SPATC1: variants seen among roughly 807,000 people sequenced by gnomAD.
SPATC1 encodes the protein spermatogenesis and centriole associated 1.
Under a neutral mutation model 36.5 loss-of-function variants are expected in SPATC1, and 35 were observed. The ratio of observed to expected loss-of-function variants is 0.96; its 90% CI spans 0.73 to 1.27. SPATC1 has a LOEUF of 1.27. Ranked by LOEUF, SPATC1 falls within the 50% of genes most tolerant of loss-of-function variation. The pLI is 0.00. For missense variants in SPATC1, 779 were observed against 796.0 expected, an observed-to-expected ratio of 0.98 and a Z score of 0.26; for synonymous variants, 361 against 353.6, an observed-to-expected ratio of 1.02 and a Z score of -0.24.
chr8:144,043,468 G>C (rs191742573), intron 4 of SPATC1, among the ~76,000 whole-genome samples: 67 of 152,176 alleles, frequency 4.4e-4, no homozygotes, highest in Middle Eastern at 6.8e-3. Context: ...TTTTAGGAGA[G>C]ACGGGGTTTC....
Position 144,016,619 on chromosome 8 carries a change from GTTTGTTTT to G in SPATC1, c.211+3901_211+3908del, listed in dbSNP as rs1214315851. 9.9e-5 allele frequency among the ~76,000 whole-genome samples: 15 copies of G among 151,812 alleles called. No homozygotes were observed. Among genetic ancestry groups the G allele is most frequent in the African/African-American group, 3.1e-4 (13 of 41,310 alleles). On this transcript the variant is annotated intron_variant, in intron 1 of 4. Transcript: ENST00000377470. The surrounding 1 kb of genome is among the most constrained non-coding windows in gnomAD (Gnocchi z 4.5). ...ACTGATGGTTTTTGTTTGTTTGTTT[GTTTGTTTT>G]TTTGTTTGTTTGTTTTTGAGACAGA...
At chr8:144,017,535 C>G (rs899310273) in intron 1 of SPATC1, among the ~76,000 whole-genome samples, 1 of 152,104 alleles carries the variant, frequency 6.6e-6, no homozygotes, top group African/African-American at 2.4e-5. Context: ...GCATGTGTAC[C>G]AGGCTCCTCT....
At chr8:144,022,975 CT>C (rs1834570943) in intron 1 of SPATC1, among the ~76,000 whole-genome samples, 1 of 149,552 alleles carries the variant, frequency 6.7e-6, no homozygotes, top group African/African-American at 2.5e-5. Flanking sequence ...ACCCTATTCC[CT>C]CAGGACCCTC....
intron 4 of SPATC1, chr8:144,042,138 C>G (rs1335957024): frequency 4.6e-6 from 2 of 436,012 alleles, no homozygotes; most frequent in South Asian, 1.9e-4. Flanking sequence ...TCAATTCAAA[C>G]GATTCTGCTG....
intron 1 of SPATC1, among the ~76,000 whole-genome samples, chr8:144,036,592 G>A (rs1245261862): frequency 6.6e-6 from 1 of 152,126 alleles, no homozygotes; most frequent in East Asian, 1.9e-4. Context: ...CCAAAGTGCT[G>A]GGATTACAGG....
intron 1 of SPATC1, among the ~76,000 whole-genome samples, chr8:144,023,513 G>C (rs1400786972): frequency 1.1e-5 from 1 of 92,002 alleles, no homozygotes; most frequent in Non-Finnish European, 2.4e-5. Flanking sequence ...TCTCGTGACT[G>C]TCTCCCCTCG....
chr8:144,015,432 TA>T (rs1318321808), intron 1 of SPATC1, among the ~76,000 whole-genome samples: 116 of 146,800 alleles, frequency 7.9e-4, no homozygotes, highest in African/African-American at 2.0e-3. Context: ...TCTATATATT[TA>T]AAAAAAAAAG....
At chr8:144,026,809 CTTTTTTTTTTT>C (rs1230432833) in intron 1 of SPATC1, among the ~76,000 whole-genome samples, 1 of 131,942 alleles carries the variant, frequency 7.6e-6, no homozygotes, top group Admixed American at 7.5e-5. Flanking sequence ...CTTTCTTTTT[CTTTTTTTTTTT>C]TTTTTGAGAC....
At chr8:144,014,735 A>G (rs1834348720) in intron 1 of SPATC1, among the ~76,000 whole-genome samples, 1 of 152,208 alleles carries the variant, frequency 6.6e-6, no homozygotes, top group Admixed American at 6.5e-5. Flanking sequence ...TGACTCATAC[A>G]AGTGTCTGGC....
At chr8:144,027,474 C>T (rs1037388589) in intron 1 of SPATC1, among the ~76,000 whole-genome samples, 8 of 152,254 alleles carry the variant, frequency 5.3e-5, no homozygotes, top group East Asian at 1.9e-4. Context: ...TCTATTGTTT[C>T]GCTTGTTGTT....
intron 1 of SPATC1, among the ~76,000 whole-genome samples, chr8:144,030,414 C>T (rs1448529852): frequency 6.6e-6 from 1 of 152,240 alleles, no homozygotes; most frequent in Non-Finnish European, 1.5e-5. Context: ...GGCTGGAGTG[C>T]AGTGGCACGT....
chr8:144,038,229 T>C (rs1444127146), intron 1 of SPATC1, among the ~76,000 whole-genome samples: 1 of 151,296 alleles, frequency 6.6e-6, no homozygotes, highest in Non-Finnish European at 1.5e-5. Context: ...GGTCAAGAGA[T>C]CAAAACCATC....
At chr8:144,023,423 C>A (rs1834594897) in intron 1 of SPATC1, among the ~76,000 whole-genome samples, 1 of 140,152 alleles carries the variant, frequency 7.1e-6, no homozygotes, top group African/African-American at 2.5e-5. Flanking sequence ...AACCCTCCCC[C>A]CTCAGGACCC....
chr8:144,011,562 C>T (rs1025556165), upstream of SPATC1, among the ~76,000 whole-genome samples: 19 of 152,128 alleles, frequency 1.2e-4, no homozygotes, highest in Admixed American at 1.0e-3. This position sits in a 1 kb window ranked among gnomAD's most constrained non-coding sequence, Gnocchi z 4.5. Flanking sequence ...ATGGAGGCCA[C>T]GAGGACACGG....
chr8:144,012,253 A>C (rs1236956668), upstream of SPATC1, among the ~76,000 whole-genome samples: 1 of 152,222 alleles, frequency 6.6e-6, no homozygotes, highest in Non-Finnish European at 1.5e-5. Context: ...ATGAGGGTGA[A>C]GTTGGCGAGA....
chr8:144,039,694 C>T (rs1351134928), intron 1 of SPATC1, among the ~76,000 whole-genome samples: 2 of 152,162 alleles, frequency 1.3e-5, no homozygotes, highest in African/African-American at 4.8e-5. Context: ...CTCCCAGGCT[C>T]CTCTGAGCAG....
chr8:144,034,406 A>ATT (rs36150800), intron 1 of SPATC1, among the ~76,000 whole-genome samples: 5,497 of 144,824 alleles, frequency 0.038, 359 homozygotes, highest in African/African-American at 0.13. Flanking sequence ...GCAGAAATGC[A>ATT]TTTTTTTTTT....
At chr8:144,036,421 A>G (rs1027326265) in intron 1 of SPATC1, among the ~76,000 whole-genome samples, 85 of 152,190 alleles carry the variant, frequency 5.6e-4, no homozygotes, top group African/African-American at 2.0e-3. Context: ...ACCTCCTGGG[A>G]TCAGGTGATC....
intron 1 of SPATC1, among the ~76,000 whole-genome samples, chr8:144,028,797 A>G (rs1834735600): frequency 1.3e-5 from 2 of 152,338 alleles, no homozygotes; most frequent in East Asian, 1.9e-4. Flanking sequence ...GAGACATGCA[A>G]TCAACCAAAA....
Sources: allele counts gnomAD v4.1 joint callset (sites outside exome capture counted in the v4.1 genomes callset), GRCh38; gene constraint gnomAD v4.1.1; non-coding constraint Gnocchi (gnomAD v3.1); transcripts MANE v1.5; gene names NCBI Gene and HGNC (gene_info 2026-07-23, HGNC 2026-07-21).